SNTG1: variants seen among roughly 807,000 people sequenced by gnomAD.
SNTG1 encodes gamma-1-syntrophin.
In SNTG1, 39 loss-of-function variants were observed where a neutral mutation model predicts 74.7. The ratio of observed to expected loss-of-function variants is 0.52; its 90% CI spans 0.40 to 0.68. SNTG1 has a LOEUF of 0.68. Among genes scored for constraint, SNTG1 ranks in the 30% least tolerant of loss-of-function variants. The probability of loss-of-function intolerance (pLI) is 0.00; values close to 1 mark genes in which losing one functional copy is unlikely to be tolerated. For synonymous variants in SNTG1, 254 were observed against 217.1 expected, an observed-to-expected ratio of 1.17 and a Z score of -1.49; for missense variants, 685 against 609.5, an observed-to-expected ratio of 1.12 and a Z score of -1.30.
chr8:50,172,334 C>T (rs1292205311), intron 1 of SNTG1, among the ~76,000 whole-genome samples: 1 of 152,110 alleles, frequency 6.6e-6, no homozygotes, highest in Admixed American at 6.6e-5. Flanking sequence ...AATCTTGTGG[C>T]ATTAGTCATT....
chr8:50,086,148 CAG>C (rs1822865537), intron 1 of SNTG1, among the ~76,000 whole-genome samples: 1 of 152,092 alleles, frequency 6.6e-6, no homozygotes, highest in South Asian at 2.1e-4. Context: ...AAGAAAAATT[CAG>C]AGAGACAATT....
intron 1 of SNTG1, among the ~76,000 whole-genome samples, chr8:50,057,266 G>A (rs1014763977): frequency 2.0e-5 from 3 of 152,072 alleles, no homozygotes; most frequent in African/African-American, 7.2e-5. Context: ...GCTATGCTGA[G>A]TGGAAATGCA....
At chr8:50,458,374 C>T (rs910868981) in intron 8 of SNTG1, among the ~76,000 whole-genome samples, 3 of 152,172 alleles carry the variant, frequency 2.0e-5, no homozygotes, top group South Asian at 2.1e-4. Flanking sequence ...ACTTTGATAT[C>T]TATCTTCAAA....
At chr8:50,731,541 T>TAACC (rs893173649) in intron 17 of SNTG1, among the ~76,000 whole-genome samples, 2 of 152,122 alleles carry the variant, frequency 1.3e-5, no homozygotes, top group Admixed American at 6.6e-5. Context: ...ACCTGGTTTC[T>TAACC]AACCAAATCA....
At chr8:50,648,991 C>A (rs1438392087) in intron 13 of SNTG1, among the ~76,000 whole-genome samples, 1 of 152,076 alleles carries the variant, frequency 6.6e-6, no homozygotes, top group African/African-American at 2.4e-5. Context: ...ATATTGGTTT[C>A]TTTCAGTTAA....
intron 1 of SNTG1, among the ~76,000 whole-genome samples, chr8:50,072,257 T>C (rs919660764): frequency 2.0e-5 from 3 of 152,114 alleles, no homozygotes; most frequent in African/African-American, 7.2e-5. Flanking sequence ...CTATAGAGAG[T>C]TGTTTATTAT....
At chr8:50,734,723 A>C (rs1287979014) in intron 17 of SNTG1, among the ~76,000 whole-genome samples, 2 of 143,134 alleles carry the variant, frequency 1.4e-5, no homozygotes, top group Non-Finnish European at 3.0e-5. Context: ...TATGGACATT[A>C]TATATCTATA....
chr8:50,583,441 C>T (rs1365939017), intron 12 of SNTG1, among the ~76,000 whole-genome samples: 1 of 149,642 alleles, frequency 6.7e-6, no homozygotes, highest in African/African-American at 2.5e-5. Flanking sequence ...GCCATTAAAC[C>T]AATTTATATG....
At chr8:50,480,552 A>C (rs532702513) in intron 8 of SNTG1, among the ~76,000 whole-genome samples, 5 of 152,186 alleles carry the variant, frequency 3.3e-5, no homozygotes, top group African/African-American at 1.2e-4. Flanking sequence ...AATGGAAACA[A>C]ATTGCTAACT....
intron 15 of SNTG1, among the ~76,000 whole-genome samples, chr8:50,698,020 T>C (rs1195167753): frequency 6.6e-6 from 1 of 152,194 alleles, no homozygotes; most frequent in Non-Finnish European, 1.5e-5. Flanking sequence ...CAGTTCTTCC[T>C]TGTACATTTG....
At chr8:50,600,066 G>A (rs190643515) in intron 13 of SNTG1, among the ~76,000 whole-genome samples, 118 of 152,140 alleles carry the variant, frequency 7.8e-4, no homozygotes, top group Admixed American at 2.9e-3. Context: ...TGATCATATG[G>A]TTGTTGTTCC....
chr8:50,086,339 C>A (rs1427517744), intron 1 of SNTG1, among the ~76,000 whole-genome samples: 1 of 152,058 alleles, frequency 6.6e-6, no homozygotes, highest in African/African-American at 2.4e-5. Context: ...GCAGGGAGAC[C>A]ATTTGGAAGC....
At chr8:50,457,008 T>C (rs1322987958) in intron 8 of SNTG1, 2 of 152,160 alleles carry the variant, frequency 1.3e-5, no homozygotes, top group Admixed American at 1.3e-4. Flanking sequence ...ACATTTTATT[T>C]TCACAATAAC....
intron 13 of SNTG1, among the ~76,000 whole-genome samples, chr8:50,595,052 G>A (rs2094717968): frequency 6.8e-6 from 1 of 146,510 alleles, no homozygotes; most frequent in South Asian, 2.1e-4. Flanking sequence ...GTGTGTGTGT[G>A]TGTGTATTTA....
chr8:50,112,673 C>A (rs2131310568), intron 1 of SNTG1, among the ~76,000 whole-genome samples: 1 of 151,888 alleles, frequency 6.6e-6, no homozygotes, highest in Non-Finnish European at 1.5e-5. Context: ...CAGGCCCCTG[C>A]CACCACACTT....
chr8:50,309,341 G>A (rs912694336), intron 2 of SNTG1, among the ~76,000 whole-genome samples: 3 of 124,492 alleles, frequency 2.4e-5, no homozygotes, highest in African/African-American at 5.6e-5. Flanking sequence ...AATAGACTTT[G>A]CCTCTTTCTT....
At chr8:50,420,590 T>C (rs1317513410) in intron 4 of SNTG1, among the ~76,000 whole-genome samples, 4 of 152,128 alleles carry the variant, frequency 2.6e-5, no homozygotes, top group Admixed American at 2.6e-4. Context: ...CTAATAAAAA[T>C]AATTAAAATA....
At chr8:49,948,186 C>G (rs1158700002) in intron 1 of SNTG1, among the ~76,000 whole-genome samples, 1 of 152,024 alleles carries the variant, frequency 6.6e-6, no homozygotes, top group Non-Finnish European at 1.5e-5. Flanking sequence ...TTATTCTCTC[C>G]CTTTTAATCT....
chr8:50,486,797 T>C (rs1299109991), intron 8 of SNTG1, among the ~76,000 whole-genome samples: 1 of 151,802 alleles, frequency 6.6e-6, no homozygotes, highest in Non-Finnish European at 1.5e-5. Context: ...TTGTCATAGA[T>C]AGCTCTTATT....
Sources: allele counts gnomAD v4.1 joint callset (sites outside exome capture counted in the v4.1 genomes callset), GRCh38; gene constraint gnomAD v4.1.1; transcripts MANE v1.5; gene names NCBI Gene and HGNC (gene_info 2026-07-23, HGNC 2026-07-21).